OR56A3: variants seen among roughly 807,000 people sequenced by gnomAD.
OR56A3 encodes olfactory receptor family 56 subfamily A member 3, also known as olfactory receptor 56A3.
A neutral mutation model predicts 17.5 loss-of-function variants in OR56A3; 23 were observed. The ratio of observed to expected loss-of-function variants is 1.32; its 90% CI spans 0.95 to 1.87. The LOEUF is 1.87. Among genes scored for constraint, OR56A3 ranks in the 40% most tolerant of loss-of-function variants. The pLI is 0.00. For synonymous variants in OR56A3, 175 were observed against 150.6 expected (o/e 1.16, Z -1.19); for missense variants, 366 against 380.1 (o/e 0.96, Z 0.31).
the OR56A3 span, among the ~76,000 whole-genome samples, chr11:5,993,391 C>T: frequency 6.6e-6 from 1 of 152,184 alleles, no homozygotes; most frequent in Non-Finnish European, 1.5e-5. Flanking sequence ...ACAGCCATCT[C>T]TAGAAAGATG....
chr11:6,015,401 G>A, the OR56A3 span, among the ~76,000 whole-genome samples: 4 of 152,162 alleles, frequency 2.6e-5, no homozygotes, highest in African/African-American at 9.7e-5. Context: ...CTGCTTCAGA[G>A]AGTGCAATAT....
At chr11:5,959,994 C>T in the OR56A3 span, among the ~76,000 whole-genome samples, 39 of 152,206 alleles carry the variant, frequency 2.6e-4, no homozygotes, top group African/African-American at 8.7e-4. Flanking sequence ...AGATTTATTT[C>T]TGAGCTCCCT....
chr11:5,995,094 G>A, the OR56A3 span: 3 of 595,172 alleles, frequency 5.0e-6, no homozygotes, highest in Non-Finnish European at 9.1e-6. Context: ...TGCCATAGCT[G>A]GGCGGCTGGA....
the OR56A3 span, among the ~76,000 whole-genome samples, chr11:6,017,561 T>C: frequency 1.3e-5 from 2 of 152,254 alleles, no homozygotes; most frequent in African/African-American, 4.8e-5. Flanking sequence ...ACCACCCTCA[T>C]AATTCAATCG....
At chr11:5,952,566 C>T (rs1213892397), downstream of OR56A3, among the ~76,000 whole-genome samples, 1 of 150,104 alleles carries the variant, frequency 6.7e-6, no homozygotes, top group Non-Finnish European at 1.5e-5. Context: ...ATGTAGGAAA[C>T]TCATTATTAT....
At position 5,948,338 on chromosome 11, in the gene OR56A3, T is replaced by C. The variant is rs752067482; in HGVS notation, c.*44T>C. 6 of 1,334,044 alleles carry C rather than the reference T, an allele frequency of 4.5e-6. No homozygotes were observed. In the East Asian group the frequency reaches 1.2e-4, roughly 26 times the overall value. The allele number at this position is 1,334,044 out of a possible 1,614,324, so 82.6% of individuals were successfully genotyped here. On this transcript the variant is annotated 3_prime_UTR_variant, in exon 3 of 3. Coordinates refer to ENST00000641160, the MANE Select transcript of OR56A3 (RefSeq NM_001003443.3). ...TGAATATCTAAAATAAGATAATTTA[T>C]TAATCACTTAATGAGTGAGTGGGCT...
At chr11:6,002,480 G>T in the OR56A3 span, 1 of 1,614,224 alleles carries the variant, frequency 6.2e-7, no homozygotes, top group Non-Finnish European at 8.5e-7. Flanking sequence ...TTCCTGCACA[G>T]TATCTGAGCC....
In OR56A3 at chr11:5,944,840, T is replaced by C. The variant is rs1247070755; in HGVS notation, c.-279T>C. On this transcript the variant is annotated 5_prime_UTR_variant, in exon 2 of 3. Coordinates refer to ENST00000641160, the MANE Select transcript of OR56A3 (RefSeq NM_001003443.3). The stretch of plus-strand genomic sequence containing the variant: ...ATTGGGAGAATATCTAAATCTCTTC[T>C]ATATATGAGGTGAAGGGCCATGCCT... The C allele has an allele frequency of 6.6e-6, 1 of 152,142 alleles. No individual in the cohort carries two copies. The highest frequency in any genetic ancestry group is 1.5e-5 in the Non-Finnish European group (1 of 68,034). The allele number at this position is 152,142 out of a possible 1,614,324, so 9.4% of individuals were successfully genotyped here.
chr11:6,008,910 T>C, the OR56A3 span, among the ~76,000 whole-genome samples: 1 of 152,140 alleles, frequency 6.6e-6, no homozygotes, highest in Admixed American at 6.5e-5. Flanking sequence ...TAATGGGTCA[T>C]GTTATTCTGA....
At position 5,948,013 on chromosome 11, in the gene OR56A3, A is replaced by G; in HGVS notation, c.667A>G (p.Thr223Ala). Residue 223 changes from threonine to alanine, a missense_variant, in exon 3 of 3, where the codon ACC becomes GCC. Transcript: ENST00000641160. The stretch of plus-strand genomic sequence containing the variant: ...CCTCATCCTTATCTTCCTCTCCTAC[A>G]CCTTCATTCTGCGAGCTGTGCTGAG... ...SDLILIFLSY[T>A]FILRAVLRLK... is the part of the protein sequence containing the mutation. The G allele has an allele frequency of 6.2e-7, 1 of 1,614,006 alleles. No individual in the cohort carries two copies. Among genetic ancestry groups the G allele is most frequent in the African/African-American group, 1.3e-5 (1 of 74,980 alleles).
At chr11:5,977,493 T>C in the OR56A3 span, among the ~76,000 whole-genome samples, 3 of 152,358 alleles carry the variant, frequency 2.0e-5, no homozygotes, top group Middle Eastern at 0.01. Flanking sequence ...ATATGCTTGT[T>C]GACCACAGGC....
At chr11:6,008,155 C>T in the OR56A3 span, among the ~76,000 whole-genome samples, 1 of 152,116 alleles carries the variant, frequency 6.6e-6, no homozygotes, top group East Asian at 1.9e-4. Context: ...GGGCTTTGGG[C>T]ATAAGAATCT....
chr11:5,959,808 A>T, the OR56A3 span, among the ~76,000 whole-genome samples: 1 of 152,074 alleles, frequency 6.6e-6, no homozygotes, highest in Non-Finnish European at 1.5e-5. Context: ...GGGTTCTCAT[A>T]TTTAAGTCTT....
chr11:5,968,309 C>T, the OR56A3 span: 1 of 1,612,522 alleles, frequency 6.2e-7, no homozygotes, highest in Non-Finnish European at 8.5e-7. Flanking sequence ...GCAGGTAGTA[C>T]AGGGGCTGGT....
the OR56A3 span, chr11:6,002,567 C>A: frequency 6.2e-7 from 1 of 1,614,232 alleles, no homozygotes. Context: ...TAGCCACAAA[C>A]TGGTCAGTGA....
chr11:6,012,720 T>C, the OR56A3 span, among the ~76,000 whole-genome samples: 2 of 152,190 alleles, frequency 1.3e-5, no homozygotes, highest in African/African-American at 2.4e-5. Flanking sequence ...CTCCAGTCCA[T>C]CTGCCTCCTG....
chr11:6,018,000 C>A, the OR56A3 span, among the ~76,000 whole-genome samples: 1 of 149,660 alleles, frequency 6.7e-6, no homozygotes, highest in Admixed American at 6.7e-5. Context: ...ACAAAGGGAT[C>A]AATTCAGCAA....
At chr11:6,002,464 TTA>T in the OR56A3 span, 1 of 1,614,122 alleles carries the variant, frequency 6.2e-7, no homozygotes, top group Non-Finnish European at 8.5e-7. Context: ...CAGTTCTTGA[TTA>T]TGTTTCCTGC....
chr11:6,010,830 TG>T, the OR56A3 span, among the ~76,000 whole-genome samples: 1 of 56,870 alleles, frequency 1.8e-5, no homozygotes, highest in African/African-American at 3.8e-5. Flanking sequence ...TGTGTGTGTG[TG>T]TGTGTGTGTG....
Sources: allele counts gnomAD v4.1 joint callset (sites outside exome capture counted in the v4.1 genomes callset), GRCh38; gene constraint gnomAD v4.1.1; transcripts MANE v1.5; gene names NCBI Gene and HGNC (gene_info 2026-07-23, HGNC 2026-07-21).